The following SCAPER variants were observed in gnomAD, a reference collection of about 807,000 sequenced individuals.
The protein encoded by SCAPER is S-phase cyclin A associated protein in the ER.
SCAPER carries 98 observed loss-of-function variants against 182.2 expected under a neutral mutation model. The observed-to-expected ratio is 0.54, with a 90% CI of 0.46 to 0.64. The LOEUF is 0.64. SCAPER is among the 30% of genes least tolerant of loss of function. SCAPER has a pLI of 0.00. For missense variants in SCAPER, 1,432 were observed against 1,690.0 expected (o/e 0.85, Z 2.68); for synonymous variants, 605 against 564.6 (o/e 1.07, Z -1.01).
intron 23 of SCAPER, among the ~76,000 whole-genome samples, chr15:76,515,388 T>A (rs1426677749): frequency 3.3e-5 from 5 of 152,248 alleles, no homozygotes; most frequent in Non-Finnish European, 7.3e-5. Context: ...AAGATTAGTA[T>A]GAAGAGTTCA....
intron 20 of SCAPER, among the ~76,000 whole-genome samples, chr15:76,687,927 A>G (rs1342322904): frequency 1.3e-5 from 2 of 152,180 alleles, no homozygotes; most frequent in Non-Finnish European, 2.9e-5. Flanking sequence ...TTATAGTACA[A>G]TGTTTTATAA....
At chr15:76,353,844 A>G in intron 30 of SCAPER, 105 bp downstream of exon 30, 2 of 938,336 alleles carry the variant, frequency 2.1e-6, no homozygotes, top group Non-Finnish European at 3.0e-6. Flanking sequence ...TGAAGATTTT[A>G]AAAGGTAGTA....
At position 76,764,981 on chromosome 15, in the gene SCAPER, G is replaced by T; in HGVS notation, c.1705C>A (p.Leu569Ile). ...EKLREEKTLK[L>I]QKLLEREKDV... ...CTCACCCTTTCTAACAATTTCTGAAGCTTCAATGTTTTCTCTTCGCGTAAC... is the reference window on the plus strand; with the variant it reads ...CTCACCCTTTCTAACAATTTCTGAATCTTCAATGTTTTCTCTTCGCGTAAC... Residue 569 changes from leucine (L) to isoleucine (I), a missense_variant, in exon 14 of 32, where the codon CTT becomes ATT. By Grantham distance (5) the Leu-to-Ile change is conservative (BLOSUM62 2). Around this residue, in one of 5 missense-constraint regions of SCAPER, gnomAD observed 128 missense variants for 149.9 expected, o/e 0.85. Coordinates refer to ENST00000563290, the MANE Select transcript of SCAPER (RefSeq NM_020843.4). 1 of 1,594,466 alleles carries T rather than the reference G, an allele frequency of 6.3e-7. No individual in the cohort carries two copies. The highest frequency in any genetic ancestry group is 8.5e-7 in the Non-Finnish European group (1 of 1,170,690).
intron 20 of SCAPER, among the ~76,000 whole-genome samples, chr15:76,669,808 T>C (rs747075599): frequency 4.6e-5 from 7 of 152,258 alleles, no homozygotes; most frequent in Non-Finnish European, 1.0e-4. Context: ...GTCTCCGACA[T>C]GTGATTTGAT....
At chr15:76,609,168 C>A (rs1201580120) in intron 22 of SCAPER, among the ~76,000 whole-genome samples, 1 of 152,084 alleles carries the variant, frequency 6.6e-6, no homozygotes, top group Admixed American at 6.5e-5. Context: ...CTTGGCTCCT[C>A]CCTGGCATTT....
chr15:76,692,867 C>T (rs2058452898), intron 20 of SCAPER, among the ~76,000 whole-genome samples: 1 of 151,204 alleles, frequency 6.6e-6, no homozygotes, highest in East Asian at 1.9e-4. Flanking sequence ...ATCAATAAAA[C>T]CAAAATTCAA....
intron 2 of SCAPER, among the ~76,000 whole-genome samples, chr15:76,863,694 G>T (rs1320867251): frequency 6.6e-6 from 1 of 152,130 alleles, no homozygotes; most frequent in Non-Finnish European, 1.5e-5. Context: ...ACACCTGCTG[G>T]TGTTCATGCC....
intron 20 of SCAPER, among the ~76,000 whole-genome samples, chr15:76,677,756 T>C (rs1216051647): frequency 6.6e-6 from 1 of 150,608 alleles, no homozygotes; most frequent in Non-Finnish European, 1.5e-5. Flanking sequence ...CTGGTTTTCC[T>C]AACATAATTT....
intron 22 of SCAPER, among the ~76,000 whole-genome samples, chr15:76,579,136 G>A (rs2048070031): frequency 6.6e-6 from 1 of 151,564 alleles, no homozygotes; most frequent in African/African-American, 2.4e-5. Context: ...CATGGTGGCG[G>A]GTGCCTGTAA....
At chr15:76,817,812 T>C (rs1201916627) in intron 5 of SCAPER, among the ~76,000 whole-genome samples, 1 of 151,880 alleles carries the variant, frequency 6.6e-6, no homozygotes, top group Non-Finnish European at 1.5e-5. Context: ...AAAACTCTGA[T>C]AAAAAAAATT....
Position 76,354,031 on chromosome 15 carries a change from ATAAGTGAAGGGAACAG to A in SCAPER, c.3949_3964del (p.Leu1317SerfsTer18). 1 of 1,608,030 alleles carries A rather than the reference ATAAGTGAAGGGAACAG, an allele frequency of 6.2e-7. No homozygotes were observed. Among genetic ancestry groups the A allele is most frequent in the South Asian group, 1.1e-5 (1 of 90,012 alleles). On this transcript the variant is annotated frameshift_variant, in exon 30 of 32. Coordinates refer to ENST00000563290, the MANE Select transcript of SCAPER (RefSeq NM_020843.4). LOFTEE classifies it high-confidence loss of function. This position sits in a 1 kb window ranked among gnomAD's most constrained non-coding sequence, Gnocchi z 4.4. ...CTGATGGTTGTTGTAACAAGCAGCGATAAGTGAAGGGAACAGTACTTTGATCAGCCGTGGGTCACTG... is the reference window on the plus strand; with the variant it reads ...CTGATGGTTGTTGTAACAAGCAGCGATACTTTGATCAGCCGTGGGTCACTG...
chr15:76,636,987 A>G (rs916558756), intron 21 of SCAPER, among the ~76,000 whole-genome samples: 1 of 152,104 alleles, frequency 6.6e-6, no homozygotes, highest in African/African-American at 2.4e-5. Context: ...TTTATTTTAA[A>G]AAAAAACAGC....
chr15:76,837,908 C>T (rs1310925083), intron 5 of SCAPER, among the ~76,000 whole-genome samples: 3 of 151,998 alleles, frequency 2.0e-5, no homozygotes, highest in Non-Finnish European at 4.4e-5. Context: ...AAACAGATGC[C>T]GGCAAAGTTG....
At chr15:76,568,790 A>G (rs2047228670) in intron 23 of SCAPER, among the ~76,000 whole-genome samples, 1 of 152,140 alleles carries the variant, frequency 6.6e-6, no homozygotes, top group Admixed American at 6.5e-5. Context: ...ATTTCACTGA[A>G]TCTACAAATA....
chr15:76,667,294 G>T (rs1043580949), intron 20 of SCAPER, among the ~76,000 whole-genome samples: 3 of 152,150 alleles, frequency 2.0e-5, no homozygotes, highest in Non-Finnish European at 4.4e-5. Flanking sequence ...ACATCACATT[G>T]TCCTTCTAAC....
At chr15:76,844,662 C>A (rs2069862022) in intron 4 of SCAPER, among the ~76,000 whole-genome samples, 1 of 151,906 alleles carries the variant, frequency 6.6e-6, no homozygotes, top group Admixed American at 6.6e-5. Flanking sequence ...AAGATTGAAC[C>A]ATAAAGAAAT....
chr15:76,712,166 T>C (rs2059620337), intron 17 of SCAPER, among the ~76,000 whole-genome samples: 1 of 152,190 alleles, frequency 6.6e-6, no homozygotes, highest in African/African-American at 2.4e-5. Flanking sequence ...GGCTAGACAG[T>C]TTTCCCAGCA....
At chr15:76,787,120 T>C (rs1324132227) in intron 8 of SCAPER, among the ~76,000 whole-genome samples, 1 of 152,194 alleles carries the variant, frequency 6.6e-6, no homozygotes, top group Non-Finnish European at 1.5e-5. Context: ...AGTAACATTT[T>C]TGATGTAAAT....
At chr15:76,803,460 A>G (rs182204026) in intron 6 of SCAPER, among the ~76,000 whole-genome samples, 76 of 152,332 alleles carry the variant, frequency 5.0e-4, no homozygotes, top group African/African-American at 1.8e-3. Flanking sequence ...TGGCACATTT[A>G]TACTTACTTA....
Sources: allele counts gnomAD v4.1 joint callset (sites outside exome capture counted in the v4.1 genomes callset), GRCh38; gene constraint gnomAD v4.1.1; regional missense constraint gnomAD v4.1.1; non-coding constraint Gnocchi (gnomAD v3.1); transcripts MANE v1.5; gene names NCBI Gene and HGNC (gene_info 2026-07-23, HGNC 2026-07-21).